WIPF1: variants seen among roughly 807,000 people sequenced by gnomAD.
The protein encoded by WIPF1 is WAS/WASL interacting protein family member 1, also known as WAS/WASL-interacting protein family member 1.
A neutral mutation model predicts 35.4 loss-of-function variants in WIPF1; 13 were observed. The observed-to-expected ratio is 0.37, with a 90% CI of 0.24 to 0.58. The LOEUF (loss-of-function observed/expected upper bound fraction) is 0.58. Among genes scored for constraint, WIPF1 ranks in the 20% least tolerant of loss-of-function variants. The pLI is 0.74. For missense variants in WIPF1, 591 were observed against 667.0 expected (o/e 0.89, Z 1.25); for synonymous variants, 267 against 266.3 (o/e 1.00, Z -0.02).
In WIPF1 at chr2:174,622,683, C is replaced by G. The variant is rs1686712199; in HGVS notation, c.-38-37072G>C. On this transcript the variant is annotated intron_variant, in intron 1 of 8. Coordinates refer to the WIPF1 transcript ENST00000272746. The surrounding 1 kb of genome is among the most constrained non-coding windows in gnomAD (Gnocchi z 5.1). The stretch of plus-strand genomic sequence containing the variant: ...TCTTTCAGGCTTGCATTTATTCTGG[C>G]TGATTAGCACTTGTGTCTGCCCCGC... 6.6e-6 allele frequency among the ~76,000 whole-genome samples: 1 copy of G among 152,230 alleles called. No homozygotes were observed. The highest frequency in any genetic ancestry group is 1.5e-5 in the Non-Finnish European group (1 of 68,038).
intron 1 of WIPF1, among the ~76,000 whole-genome samples, chr2:174,669,473 T>C (rs528769899): frequency 3.3e-5 from 5 of 152,356 alleles, no homozygotes; most frequent in South Asian, 4.1e-4. Flanking sequence ...GCACCAGGTA[T>C]ATGCCAAGCA....
At position 174,662,430 on chromosome 2, in the gene WIPF1, G is replaced by C. The variant is rs148885536; in HGVS notation, c.-39+20344C>G. On this transcript the variant is annotated intron_variant, in intron 1 of 8. Coordinates refer to the WIPF1 transcript ENST00000272746. ...GTGGTCTAGACTGTTAGCCTCTAGA[G>C]GACAGGATACAGGTCAGCTGGACCT... Among the ~76,000 whole-genome samples the C allele has an allele frequency of 2.6e-4, 40 of 152,272 alleles. No homozygotes were observed. In the East Asian group the frequency reaches 6.6e-3, roughly 25 times the overall value.
intron 1 of WIPF1, among the ~76,000 whole-genome samples, chr2:174,667,426 G>A (rs1296011912): frequency 1.3e-5 from 2 of 152,006 alleles, no homozygotes; most frequent in Non-Finnish European, 2.9e-5. Context: ...CCCGTCCCTG[G>A]GCTGTTTTGA....
At chr2:174,583,083 A>G (rs1685290281) in intron 2 of WIPF1, among the ~76,000 whole-genome samples, 1 of 152,214 alleles carries the variant, frequency 6.6e-6, no homozygotes, top group African/African-American at 2.4e-5. Context: ...AGCTGATAGA[A>G]GGATAAATGT....
chr2:174,564,687 G>A (rs530076819), intron 7 of WIPF1, among the ~76,000 whole-genome samples: 1 of 152,166 alleles, frequency 6.6e-6, no homozygotes, highest in East Asian at 1.9e-4. Flanking sequence ...TTTAGAATAA[G>A]AAGCAAATAA....
upstream of WIPF1, among the ~76,000 whole-genome samples, chr2:174,599,300 T>C (rs1685917242): frequency 6.6e-6 from 1 of 152,114 alleles, no homozygotes. Context: ...ATACCAGAAG[T>C]GCTCCTACTG....
chr2:174,562,303 C>T lies in WIPF1; in HGVS notation c.*244G>A. 1 of 1,502,982 alleles carries T rather than the reference C, an allele frequency of 6.7e-7. No homozygotes were observed. Among genetic ancestry groups the T allele is most frequent in the South Asian group, 1.3e-5 (1 of 75,924 alleles). The allele number at this position is 1,502,982 out of a possible 1,614,324, so 93.1% of individuals were successfully genotyped here. ...CCTATTACGACAAAAGCCTATCGAC[C>T]CCAGCAGCCAGCACAGGCAGGCTGC... is the stretch of plus-strand genomic sequence containing the variant. On this transcript the variant is annotated 3_prime_UTR_variant, in exon 8 of 8. Transcript: ENST00000679041.
At chr2:174,575,834 T>C (rs986951856) in intron 3 of WIPF1, among the ~76,000 whole-genome samples, 1 of 151,502 alleles carries the variant, frequency 6.6e-6, no homozygotes, top group Non-Finnish European at 1.5e-5. Flanking sequence ...AGTGAGACCC[T>C]GTCTCAGTAA....
At chr2:174,659,497 T>C (rs1687712693) in intron 1 of WIPF1, among the ~76,000 whole-genome samples, 1 of 152,184 alleles carries the variant, frequency 6.6e-6, no homozygotes, top group African/African-American at 2.4e-5. Flanking sequence ...AGTGCTCAAC[T>C]CACAGGAAAC....
intron 4 of WIPF1, chr2:174,574,910 G>C (rs1177813411): frequency 2.8e-6 from 2 of 716,780 alleles, no homozygotes; most frequent in Admixed American, 4.0e-5. Context: ...AGTTCTATTT[G>C]CTCCTCCCTT....
At chr2:174,576,230 CAA>C (rs66562213) in intron 3 of WIPF1, among the ~76,000 whole-genome samples, 10,665 of 98,786 alleles carry the variant, frequency 0.11, 466 homozygotes, top group Non-Finnish European at 0.12. Flanking sequence ...TGCACTCCAG[CAA>C]AAAAAAAAAA....
At chr2:174,669,784 G>T (rs1263546880) in intron 1 of WIPF1, among the ~76,000 whole-genome samples, 1 of 152,222 alleles carries the variant, frequency 6.6e-6, no homozygotes, top group Non-Finnish European at 1.5e-5. Flanking sequence ...GCTGAGGCAG[G>T]AGAATCATTT....
chr2:174,588,432 A>G (rs1237027989), intron 1 of WIPF1, among the ~76,000 whole-genome samples: 1 of 152,240 alleles, frequency 6.6e-6, no homozygotes, highest in Admixed American at 6.5e-5. Context: ...CTCTCGTAAC[A>G]GAGATCAAAT....
upstream of WIPF1, chr2:174,598,161 T>A (rs972085642): frequency 1.3e-5 from 2 of 152,154 alleles, no homozygotes; most frequent in Non-Finnish European, 2.9e-5. Flanking sequence ...AAAGAAAAGC[T>A]CTTACCTACC....
chr2:174,677,872 T>G lies in WIPF1; in HGVS notation c.-39+4902A>C, dbSNP rs139975120. Among the ~76,000 whole-genome samples, 739 of 152,244 alleles carry G rather than the reference T, an allele frequency of 4.9e-3. 4 individuals are homozygous for G. The highest frequency in any genetic ancestry group is 0.017 in the Middle Eastern group (5 of 294). ...AAAGTAGTGCATAATAAGGCTGATG[T>G]TGAAATTAAAGGTTAAAGGTGCGAT... On this transcript the variant is annotated intron_variant, in intron 1 of 8. Coordinates refer to the WIPF1 transcript ENST00000272746.
chr2:174,578,219 C>A (rs369599480), intron 3 of WIPF1, among the ~76,000 whole-genome samples: 2 of 152,114 alleles, frequency 1.3e-5, no homozygotes, highest in Non-Finnish European at 2.9e-5. Flanking sequence ...GCCACATATC[C>A]CCTGGAATGC....
At chr2:174,596,824 G>A (rs1008744196) in intron 1 of WIPF1, among the ~76,000 whole-genome samples, 9 of 152,028 alleles carry the variant, frequency 5.9e-5, no homozygotes, top group African/African-American at 1.9e-4. Context: ...ATTTCTTCAC[G>A]GGGAGAAAGG....
rs200542640 is a variant in WIPF1, at chr2:174,567,820, G to A, written c.1342+41C>T. The A allele has an allele frequency of 2.2e-4, 333 of 1,517,416 alleles. 1 individual carries two copies. The African/African-American group carries it at 4.3e-3, about 20-fold the overall frequency. The allele number at this position is 1,517,416 out of a possible 1,614,324, so 94.0% of individuals were successfully genotyped here. On this transcript the variant is annotated intron_variant, in intron 6 of 7. Transcript: ENST00000679041. ...CATATACAAACAGATTTACCATTTA[G>A]TTGCTGCCCTATAGCCCAGGGAGCT...
At chr2:174,663,986 A>G (rs1224099341) in intron 1 of WIPF1, among the ~76,000 whole-genome samples, 1 of 152,232 alleles carries the variant, frequency 6.6e-6, no homozygotes, top group East Asian at 1.9e-4. Flanking sequence ...CCAAGGTCAC[A>G]CATACAGCGA....
Sources: gnomAD v4.1 joint callset for allele counts (sites outside exome capture counted in the v4.1 genomes callset) on GRCh38, gnomAD v4.1.1 for gene constraint, Gnocchi (gnomAD v3.1) non-coding constraint, MANE v1.5 for transcripts, NCBI Gene and HGNC (gene_info 2026-07-23, HGNC 2026-07-21) for gene names.